The following FNBP1 variants were observed in gnomAD, a reference collection of about 807,000 sequenced individuals.
FNBP1 encodes the protein formin binding protein 1.
Under a neutral mutation model 90.6 loss-of-function variants are expected in FNBP1, and 26 were observed. The ratio of observed to expected loss-of-function variants is 0.29; its 90% confidence interval spans 0.21 to 0.40. The LOEUF is 0.40. Ranked by LOEUF, FNBP1 falls within the 10% of genes least tolerant of loss-of-function variation. FNBP1 has a pLI of 1.00. For missense variants in FNBP1, 635 were observed against 768.0 expected (o/e 0.83, Z 2.05); for synonymous variants, 260 against 265.2 (o/e 0.98, Z 0.19).
intron 1 of FNBP1, among the ~76,000 whole-genome samples, chr9:130,032,262 C>G (rs2058873024): frequency 1.3e-5 from 2 of 151,968 alleles, no homozygotes; most frequent in Non-Finnish European, 2.9e-5. Flanking sequence ...CCTCCAACTC[C>G]TGGTCTGAAG....
At chr9:129,979,118 T>C (rs1213436185) in intron 3 of FNBP1, among the ~76,000 whole-genome samples, 200 bp downstream of exon 3, 1 of 152,226 alleles carries the variant, frequency 6.6e-6, no homozygotes, top group African/African-American at 2.4e-5. Context: ...ATTACTTTAA[T>C]TGAAACAATC....
In FNBP1 at chr9:129,890,599, CGGGTTCCAGGCGGGCATTTTGCTCTT is replaced by C; in HGVS notation, c.1847-79_1847-54del. On this transcript the variant is annotated intron_variant, in intron 16 of 16. Transcript: ENST00000446176. This position sits in a 1 kb window ranked among gnomAD's most constrained non-coding sequence, Gnocchi z 5.8. ...AAACTCTCTGTTAGAGAGGAAGGCG[CGGGTTCCAGGCGGGCATTTTGCTCTT>C]GGCTACAAACTGCACCGCCCTGGGA... is the stretch of plus-strand genomic sequence containing the variant. The C allele has an allele frequency of 7.8e-7, 1 of 1,279,736 alleles. No individual in the cohort carries two copies. Among genetic ancestry groups the C allele is most frequent in the Non-Finnish European group, 1.0e-6 (1 of 969,362 alleles). The allele number at this position is 1,279,736 out of a possible 1,614,324, so 79.3% of individuals were successfully genotyped here. A position where few individuals can be genotyped will look rare whatever the true frequency, so the allele number is the denominator to read the frequency against.
intron 4 of FNBP1, among the ~76,000 whole-genome samples, chr9:129,959,397 T>A (rs1436392378): frequency 6.6e-6 from 1 of 151,698 alleles, no homozygotes; most frequent in African/African-American, 2.4e-5. Context: ...AAGACCAGCC[T>A]GGCCAATATG....
rs148552782 is a variant in FNBP1 at position 129,957,025 on chromosome 9, C to T, written c.513+335G>A. On this transcript the variant is annotated intron_variant, in intron 6 of 16. Coordinates refer to ENST00000446176, the MANE Select transcript of FNBP1 (RefSeq NM_015033.3). This position sits in a 1 kb window ranked among gnomAD's most constrained non-coding sequence, Gnocchi z 4.3. ...ACTCACAGGGGAAATGAAAGACACA[C>T]TTGAGCTTTCTTTTGTCTTTTTTTT... Among the ~76,000 whole-genome samples the T allele has an allele frequency of 3.6e-5, 5 of 137,652 alleles. No individual in the cohort carries two copies. The Middle Eastern group carries it at 0.011, about 295-fold the overall frequency. The allele number at this position is 137,652 out of a possible 152,430, so 90.3% of individuals were successfully genotyped here.
chr9:129,918,898 A>AAGCTC (rs1224674657), intron 10 of FNBP1: 2 of 172,894 alleles, frequency 1.2e-5, no homozygotes, highest in Admixed American at 1.2e-4. Context: ...ACAAAAAAAC[A>AAGCTC]AGCTCAGCTC....
Position 130,005,408 on chromosome 9 carries a change from C to G in FNBP1, c.25-10450G>C, listed in dbSNP as rs1446028056. On this transcript the variant is annotated intron_variant, in intron 1 of 16. Coordinates refer to ENST00000446176, the MANE Select transcript of FNBP1 (RefSeq NM_015033.3). ...ACAGGCTGGAGTGCAGTGGTGCGATCTCAGCTCACTGCGACCTCCGCCTCT... is the reference window on the plus strand; with the variant it reads ...ACAGGCTGGAGTGCAGTGGTGCGATGTCAGCTCACTGCGACCTCCGCCTCT... Among the ~76,000 whole-genome samples, 3 of 144,818 alleles carry G rather than the reference C, an allele frequency of 2.1e-5. No individual in the cohort carries two copies. The Admixed American group carries it at 2.1e-4, about 10-fold the overall frequency.
At chr9:130,025,662 G>A (rs1234488711) in intron 1 of FNBP1, among the ~76,000 whole-genome samples, 2 of 152,206 alleles carry the variant, frequency 1.3e-5, no homozygotes, top group Non-Finnish European at 2.9e-5. Flanking sequence ...AGTGGCTCAC[G>A]CCTATAATCC....
chr9:129,911,471 T>C (rs2039263858), intron 11 of FNBP1, among the ~76,000 whole-genome samples: 1 of 152,168 alleles, frequency 6.6e-6, no homozygotes, highest in Non-Finnish European at 1.5e-5. Context: ...GCTTCAATCA[T>C]GTCTATCTGA....
At position 129,921,602 on chromosome 9, in the gene FNBP1, G is replaced by A. The variant is rs557683438; in HGVS notation, c.1170+2242C>T. ...TAATTTTTGTATTTTTAGTACAGAC[G>A]GGGTTTCACCATGTTGGTCAGGCTG... is the stretch of plus-strand genomic sequence containing the variant. On this transcript the variant is annotated intron_variant, in intron 10 of 16. Transcript: ENST00000446176. Among the ~76,000 whole-genome samples, 6 of 152,050 alleles carry A rather than the reference G, an allele frequency of 3.9e-5. No homozygotes were observed. The East Asian group carries it at 1.2e-3, about 29-fold the overall frequency.
At chr9:130,023,405 G>A (rs1319443317) in intron 1 of FNBP1, among the ~76,000 whole-genome samples, 2 of 152,216 alleles carry the variant, frequency 1.3e-5, no homozygotes, top group Non-Finnish European at 1.5e-5. Flanking sequence ...AGAGAGCCAG[G>A]AGGTCGGGAT....
At chr9:129,987,418 T>C (rs890701641) in intron 2 of FNBP1, among the ~76,000 whole-genome samples, 1 of 152,088 alleles carries the variant, frequency 6.6e-6, no homozygotes, top group Non-Finnish European at 1.5e-5. Flanking sequence ...AACATGTATA[T>C]ATTATTTTCC....
At chr9:129,964,443 C>T (rs2048278628) in intron 4 of FNBP1, among the ~76,000 whole-genome samples, 1 of 151,884 alleles carries the variant, frequency 6.6e-6, no homozygotes, top group Non-Finnish European at 1.5e-5. Context: ...CTAAAACAAA[C>T]AAACAAACAA....
intron 10 of FNBP1, chr9:129,919,090 C>G: frequency 1.7e-6 from 1 of 587,744 alleles, no homozygotes; most frequent in Admixed American, 2.4e-5. Context: ...GGTCCCCAGT[C>G]TTGGTGCTGT....
intron 12 of FNBP1, among the ~76,000 whole-genome samples, chr9:129,908,681 T>A (rs2038640694): frequency 6.6e-6 from 1 of 152,028 alleles, no homozygotes; most frequent in Non-Finnish European, 1.5e-5. Flanking sequence ...GCCTCCTGAG[T>A]AACTGGGACT....
chr9:129,974,867 A>AG (rs1314168434), intron 4 of FNBP1, among the ~76,000 whole-genome samples: 2 of 151,944 alleles, frequency 1.3e-5, no homozygotes, highest in Non-Finnish European at 2.9e-5. Context: ...AGAAAAAAAA[A>AG]AAAGAAAGAA....
the FNBP1 span, among the ~76,000 whole-genome samples, chr9:130,048,869 C>T: frequency 6.6e-6 from 1 of 150,662 alleles, no homozygotes; most frequent in African/African-American, 2.5e-5. Context: ...CAAGCTCCGC[C>T]TCCTGGGTTC....
chr9:129,957,287 C>T lies in FNBP1; in HGVS notation c.513+73G>A, dbSNP rs71499496. The T allele has an allele frequency of 1.8e-6, 2 of 1,093,368 alleles. No homozygotes were observed. Among genetic ancestry groups the T allele is most frequent in the Non-Finnish European group, 1.4e-6 (1 of 720,318 alleles). The allele number at this position is 1,093,368 out of a possible 1,614,324, so 67.7% of individuals were successfully genotyped here. ...TCCTGGCCTCAGGTGATCCGCTCAC[C>T]TCAGCCTCCCAAAGTGCTGGGATTA... On this transcript the variant is annotated intron_variant, in intron 6 of 16. Transcript: ENST00000446176. The surrounding 1 kb of genome is among the most constrained non-coding windows in gnomAD (Gnocchi z 4.3).
intron 6 of FNBP1, among the ~76,000 whole-genome samples, chr9:129,951,963 G>A (rs113218049): frequency 0.043 from 6,579 of 151,634 alleles, 167 homozygotes; most frequent in South Asian, 0.087. Flanking sequence ...AGGCCGAGGC[G>A]GGAGGATCAC....
chr9:129,944,453 A>G (rs80322378), intron 6 of FNBP1, among the ~76,000 whole-genome samples: 12,180 of 151,398 alleles, frequency 0.08, 548 homozygotes, highest in Middle Eastern at 0.092. Context: ...AGGCAGGAGA[A>G]TTGCTTGAAC....
Sources: allele counts gnomAD v4.1 joint callset (sites outside exome capture counted in the v4.1 genomes callset), GRCh38; gene constraint gnomAD v4.1.1; non-coding constraint Gnocchi (gnomAD v3.1); transcripts MANE v1.5; gene names NCBI Gene and HGNC (gene_info 2026-07-23, HGNC 2026-07-21).